The following DCBLD2 variants were observed in gnomAD, a reference collection of about 807,000 sequenced individuals.
The protein encoded by DCBLD2 is discoidin, CUB and LCCL domain containing 2, also known as discoidin, CUB and LCCL domain-containing protein 2.
Under a neutral mutation model 86.8 loss-of-function variants are expected in DCBLD2, and 54 were observed. The ratio of observed to expected loss-of-function variants is 0.62; its 90% confidence interval spans 0.50 to 0.78. The LOEUF is 0.78. Among genes scored for constraint, DCBLD2 ranks in the 30% least tolerant of loss-of-function variants. The pLI is 0.00. For missense variants in DCBLD2, 908 were observed against 954.2 expected, an observed-to-expected ratio of 0.95 and a Z score of 0.64; for synonymous variants, 354 against 341.3, an observed-to-expected ratio of 1.04 and a Z score of -0.41.
chr3:98,812,088 G>C (rs1941948658), intron 10 of DCBLD2, among the ~76,000 whole-genome samples: 1 of 152,106 alleles, frequency 6.6e-6, no homozygotes, highest in Admixed American at 6.6e-5. Context: ...TTTGGAAAGT[G>C]ATCTCATTTA....
At position 98,901,113 on chromosome 3, in the gene DCBLD2, A is replaced by C; in HGVS notation, c.205+9T>G. ...TTCCCCCGCCGCTCACTCCCCTGGGACCACTCACCTTGCTGGGCTCCAGCG... is the reference window on the plus strand; with the variant it reads ...TTCCCCCGCCGCTCACTCCCCTGGGCCCACTCACCTTGCTGGGCTCCAGCG... On this transcript the variant is annotated intron_variant, in intron 1 of 15. Coordinates refer to ENST00000326840, the MANE Select transcript of DCBLD2 (RefSeq NM_080927.4). 5 of 1,539,482 alleles carry C rather than the reference A, an allele frequency of 3.2e-6. No individual in the cohort carries two copies. Among genetic ancestry groups the C allele is most frequent in the Non-Finnish European group, 4.4e-6 (5 of 1,146,656 alleles).
At chr3:98,890,524 C>T (rs918992133) in intron 1 of DCBLD2, 2 of 151,684 alleles carry the variant, frequency 1.3e-5, no homozygotes, top group Admixed American at 6.6e-5. Context: ...AGGAAACACA[C>T]AGATCTACAT....
intron 13 of DCBLD2, among the ~76,000 whole-genome samples, chr3:98,803,227 G>A (rs1411956250): frequency 6.6e-6 from 1 of 152,112 alleles, no homozygotes; most frequent in Non-Finnish European, 1.5e-5. Flanking sequence ...ATTTCATTGA[G>A]CAGTGGTTTG....
At chr3:98,833,495 G>A (rs892987137) in intron 3 of DCBLD2, among the ~76,000 whole-genome samples, 4 of 152,208 alleles carry the variant, frequency 2.6e-5, no homozygotes, top group Non-Finnish European at 4.4e-5. Context: ...TCGTTAGGAG[G>A]ACATAAGACA....
In DCBLD2 at chr3:98,901,652, T is replaced by C; in HGVS notation, c.-326A>G. 1 of 196,852 alleles carries C rather than the reference T, an allele frequency of 5.1e-6. No homozygotes were observed. Among genetic ancestry groups the C allele is most frequent in the Non-Finnish European group, 1.0e-5 (1 of 97,538 alleles). The allele number at this position is 196,852 out of a possible 1,614,324, so 12.2% of individuals were successfully genotyped here. On this transcript the variant is annotated 5_prime_UTR_variant, in exon 1 of 16. Coordinates refer to ENST00000326840, the MANE Select transcript of DCBLD2 (RefSeq NM_080927.4). Reference sequence around the variant, plus strand: ...CCGCGCTCCTCACCAGGGTCGCCGCTCGCCGCGCTCACCCGCGGCTCCGGC... The same window carrying C: ...CCGCGCTCCTCACCAGGGTCGCCGCCCGCCGCGCTCACCCGCGGCTCCGGC...
chr3:98,881,266 C>A (rs80016096), intron 2 of DCBLD2, among the ~76,000 whole-genome samples: 18,164 of 136,536 alleles, frequency 0.13, 1,257 homozygotes, highest in South Asian at 0.19. Context: ...AAAAAAAAAA[C>A]AAAAAAAAAA....
rs781343967 is a variant in DCBLD2 at position 98,819,318 on chromosome 3, T to C, written c.971A>G (p.Asn324Ser). ...LEWTDHTGQE[N>S]SWKPKKARLK... ...CCTGGCTTTTTTGGGTTTCCAACTG[T>C]TCTCTTGCCCTGTGTGGTCAGTCCA... Residue 324 changes from asparagine to serine, a missense_variant, in exon 8 of 16, where the codon AAC becomes AGC. Physicochemically the swap from Asn to Ser is conservative, Grantham distance 46 (BLOSUM62 1). Transcript: ENST00000326840. 1.1e-5 allele frequency: 17 copies of C among 1,613,872 alleles called. No individual in the cohort carries two copies. Among genetic ancestry groups the C allele is most frequent in the Non-Finnish European group, 1.4e-5 (16 of 1,179,828 alleles).
intron 1 of DCBLD2, among the ~76,000 whole-genome samples, chr3:98,889,019 G>A (rs139036724): frequency 6.6e-6 from 1 of 152,038 alleles, no homozygotes; most frequent in African/African-American, 2.4e-5. Context: ...CTCTCCATCT[G>A]TTAAGCTGAT....
intron 9 of DCBLD2, chr3:98,814,758 G>T (rs772420517): frequency 1.3e-5 from 2 of 152,190 alleles, no homozygotes; most frequent in Non-Finnish European, 2.9e-5. Flanking sequence ...TTACATGAGC[G>T]GGAAAAGACT....
chr3:98,874,440 A>G (rs1943333438), intron 2 of DCBLD2, among the ~76,000 whole-genome samples: 1 of 152,214 alleles, frequency 6.6e-6, no homozygotes, highest in African/African-American at 2.4e-5. Flanking sequence ...GAACCCATTA[A>G]TATAATACAC....
chr3:98,843,819 G>A (rs76795939), intron 3 of DCBLD2, among the ~76,000 whole-genome samples: 6,046 of 152,146 alleles, frequency 0.04, 364 homozygotes, highest in African/African-American at 0.14. Flanking sequence ...TATGAGTTCC[G>A]ATTAGGAACT....
Position 98,808,128 on chromosome 3 carries a change from G to A in DCBLD2, c.1623C>T (p.Leu541=). ...AVLVPVLVMV[L]TTLILILVCA... is the part of the protein sequence containing the mutation. ...ACACTAATATGAGAATGAGAGTAGT[G>A]AGGACCATGACCAGCACAGGGACAA... is the stretch of plus-strand genomic sequence containing the variant. The change falls in exon 13 of 16, where the codon CTC becomes CTT. Residue 541 remains leucine, a synonymous_variant. Coordinates refer to ENST00000326840, the MANE Select transcript of DCBLD2 (RefSeq NM_080927.4). 2 of 1,607,770 alleles carry A rather than the reference G, an allele frequency of 1.2e-6. No homozygotes were observed. The highest frequency in any genetic ancestry group is 1.3e-5 in the African/African-American group (1 of 74,738).
chr3:98,847,327 G>C (rs1942744976), intron 3 of DCBLD2, among the ~76,000 whole-genome samples: 3 of 152,176 alleles, frequency 2.0e-5, no homozygotes, highest in African/African-American at 4.8e-5. Context: ...GCAGAGGCAG[G>C]GATACCAAGA....
chr3:98,826,217 C>T (rs911367000), intron 3 of DCBLD2, among the ~76,000 whole-genome samples: 3 of 152,142 alleles, frequency 2.0e-5, no homozygotes, highest in Non-Finnish European at 4.4e-5. Context: ...TGGCTTCCTT[C>T]TCTTAGGTTA....
intron 3 of DCBLD2, 40 bp downstream of exon 3, chr3:98,849,421 A>C: frequency 6.2e-7 from 1 of 1,612,368 alleles, no homozygotes; most frequent in Non-Finnish European, 8.5e-7. Flanking sequence ...GTTGTTAGAA[A>C]TTACAAACTG....
chr3:98,870,806 A>AAAGAAAGG (rs1559794682), intron 2 of DCBLD2, among the ~76,000 whole-genome samples: 1,451 of 122,896 alleles, frequency 0.012, 67 homozygotes, highest in South Asian at 0.022. Context: ...AGAAAGAAAG[A>AAAGAAAGG]AAGAAAGGTA....
chr3:98,876,371 C>A (rs1335253155), intron 2 of DCBLD2, among the ~76,000 whole-genome samples: 1 of 31,278 alleles, frequency 3.2e-5, no homozygotes, highest in African/African-American at 1.1e-4. Flanking sequence ...TAAAAAAAAA[C>A]TTGACAGAAA....
At chr3:98,895,033 G>C (rs1025139250) in intron 1 of DCBLD2, among the ~76,000 whole-genome samples, 2 of 152,044 alleles carry the variant, frequency 1.3e-5, no homozygotes, top group Admixed American at 1.3e-4. Flanking sequence ...GACAAGGAAA[G>C]TAAGAGCATT....
At chr3:98,844,002 A>C (rs947709160) in intron 3 of DCBLD2, among the ~76,000 whole-genome samples, 3 of 147,124 alleles carry the variant, frequency 2.0e-5, no homozygotes, top group African/African-American at 4.9e-5. Flanking sequence ...CTCCAAAAAG[A>C]ATACCAGGAT....
Sources: allele counts gnomAD v4.1 joint callset (sites outside exome capture counted in the v4.1 genomes callset), GRCh38; gene constraint gnomAD v4.1.1; transcripts MANE v1.5; gene names NCBI Gene and HGNC (gene_info 2026-07-23, HGNC 2026-07-21).